TCERG1: variants seen among roughly 807,000 people sequenced by gnomAD.
TCERG1 encodes the protein transcription elongation regulator 1, also known as TATA box binding protein (TBP)-associated factor, RNA polymerase II, S, 150kD.
Under a neutral mutation model 144.7 loss-of-function variants are expected in TCERG1, and 37 were observed. That is an observed-to-expected ratio of 0.26 (90% confidence interval 0.20 to 0.34). The LOEUF is 0.34. Among genes scored for constraint, TCERG1 ranks in the 10% least tolerant of loss-of-function variants. The probability of loss-of-function intolerance (pLI) is 1.00; values close to 1 mark genes in which losing one functional copy is unlikely to be tolerated. For synonymous variants in TCERG1, 492 were observed against 458.2 expected, an observed-to-expected ratio of 1.07 and a Z score of -0.94; for missense variants, 1,027 against 1,380.7, an observed-to-expected ratio of 0.74 and a Z score of 4.06.
intron 19 of TCERG1, among the ~76,000 whole-genome samples, chr5:146,505,939 G>C (rs936108515): frequency 1.3e-5 from 2 of 152,030 alleles, no homozygotes; most frequent in African/African-American, 4.8e-5. Context: ...ACCACACACA[G>C]CTCATTTTTG....
intron 10 of TCERG1, among the ~76,000 whole-genome samples, chr5:146,479,311 A>G (rs1765129110): frequency 1.3e-5 from 2 of 152,062 alleles, no homozygotes; most frequent in Non-Finnish European, 2.9e-5. Context: ...AATGAAATAA[A>G]TCCTAGTGTG....
chr5:146,465,038 A>G (rs565686417), intron 5 of TCERG1, among the ~76,000 whole-genome samples: 360 of 152,330 alleles, frequency 2.4e-3, no homozygotes, highest in African/African-American at 8.1e-3. Context: ...AATTCAAATC[A>G]TTTAAAAAGA....
chr5:146,453,818 T>G (rs903377670), intron 1 of TCERG1, among the ~76,000 whole-genome samples: 1 of 152,134 alleles, frequency 6.6e-6, no homozygotes, highest in Non-Finnish European at 1.5e-5. Flanking sequence ...TTAACCTTTT[T>G]TAATCTGGAG....
intron 4 of TCERG1, among the ~76,000 whole-genome samples, chr5:146,460,550 G>T (rs971698846): frequency 1.1e-4 from 16 of 152,068 alleles, no homozygotes; most frequent in Non-Finnish European, 1.5e-4. Flanking sequence ...AAAATGTGGG[G>T]TTTTTTTGTG....
At chr5:146,476,378 A>G (rs1180753953) in intron 9 of TCERG1, among the ~76,000 whole-genome samples, 1 of 152,226 alleles carries the variant, frequency 6.6e-6, no homozygotes, top group Non-Finnish European at 1.5e-5. Flanking sequence ...TTTCTCAGAC[A>G]TGTCACTGAG....
intron 1 of TCERG1, among the ~76,000 whole-genome samples, chr5:146,447,710 C>T (rs1761994535): frequency 6.6e-6 from 1 of 152,238 alleles, no homozygotes; most frequent in Non-Finnish European, 1.5e-5. Flanking sequence ...TGGGCCCCGC[C>T]TCAGCCGCGT....
rs116906682 is a variant in TCERG1 at position 146,466,597 on chromosome 5, C to T, written c.1136-1744C>T. ...TGTAGGAAAATTGAACAAAAGCTCC[C>T]TCTAAAAAAAAAGGTTAAAAATTTA... On this transcript the variant is annotated intron_variant, in intron 5 of 22. Coordinates refer to ENST00000679501, the MANE Select transcript of TCERG1 (RefSeq NM_001382548.1). Among the ~76,000 whole-genome samples, 39 of 151,926 alleles carry T rather than the reference C, an allele frequency of 2.6e-4. No individual in the cohort carries two copies. In the East Asian group the frequency reaches 7.5e-3, roughly 29 times the overall value.
Position 146,468,341 on chromosome 5 carries a change from G to C in TCERG1, c.1136G>C (p.Gly379Ala). ...PLPGMPIPLPGVAMMQIVSCP... is the reference protein window; with the variant it reads ...PLPGMPIPLPAVAMMQIVSCP... Reference sequence around the variant, plus strand: ...GTATGCTTGCTTATCCATTTTACAGGTGTAGCAATGATGCAAATAGTCAGC... The same window carrying C: ...GTATGCTTGCTTATCCATTTTACAGCTGTAGCAATGATGCAAATAGTCAGC... Residue 379 changes from glycine (G) to alanine (A), a missense_variant and splice_region_variant, in exon 6 of 23, where the codon GGT (glycine) becomes GCT (alanine). Around this residue, in one of 6 missense-constraint regions of TCERG1, gnomAD observed 482 missense variants for 632.6 expected, o/e 0.76. Transcript: ENST00000679501. 3 of 1,605,912 alleles carry C rather than the reference G, an allele frequency of 1.9e-6. No individual in the cohort carries two copies. Among genetic ancestry groups the C allele is most frequent in the Non-Finnish European group, 2.6e-6 (3 of 1,176,032 alleles).
intron 17 of TCERG1, among the ~76,000 whole-genome samples, chr5:146,500,932 C>T (rs192175453): frequency 5.3e-5 from 8 of 150,152 alleles, no homozygotes; most frequent in Middle Eastern, 3.4e-3. Context: ...CGCTTGAGCC[C>T]AAACAGTCAA....
chr5:146,480,615 A>G (rs917952895), intron 12 of TCERG1: 2 of 152,576 alleles, frequency 1.3e-5, no homozygotes, highest in African/African-American at 4.8e-5. Context: ...GTAAAATGTA[A>G]ATGTTATGGC....
intron 1 of TCERG1, 26 bp downstream of exon 1, chr5:146,447,434 T>A (rs776188996): frequency 6.9e-6 from 11 of 1,605,496 alleles, no homozygotes; most frequent in Non-Finnish European, 8.5e-6. Flanking sequence ...CTCCTTCACA[T>A]CTCTGCTCAC....
chr5:146,507,215 T>A lies in TCERG1; in HGVS notation c.2961+8T>A, dbSNP rs201276372. 1.3e-3 allele frequency: 1,999 copies of A among 1,565,040 alleles called. 3 individuals carry two copies. The highest frequency in any genetic ancestry group is 1.7e-3 in the Non-Finnish European group (1,925 of 1,160,888). On this transcript the variant is annotated splice_region_variant and intron_variant, in intron 20 of 22. Transcript: ENST00000679501. This position sits in a 1 kb window ranked among gnomAD's most constrained non-coding sequence, Gnocchi z 4.6. ...CTGGATGAAACTTCTGCAGTAAGAATCTCTTATTTTTCTCATTTTAATCTG... is the reference window on the plus strand; with the variant it reads ...CTGGATGAAACTTCTGCAGTAAGAAACTCTTATTTTTCTCATTTTAATCTG...
chr5:146,490,047 T>C (rs987176267), intron 15 of TCERG1, among the ~76,000 whole-genome samples: 6 of 152,214 alleles, frequency 3.9e-5, no homozygotes, highest in Non-Finnish European at 7.4e-5. Flanking sequence ...TTAGGTATCA[T>C]TTAATATTTT....
In TCERG1 at chr5:146,510,021, CT is replaced by C. The variant is rs1209971300; in HGVS notation, c.3147-416del. The C allele has an allele frequency of 2.3e-6, 3 of 1,281,516 alleles. No individual in the cohort carries two copies. In the South Asian group the frequency reaches 3.7e-5, roughly 16 times the overall value. The allele number at this position is 1,281,516 out of a possible 1,614,324, so 79.4% of individuals were successfully genotyped here. A position where few individuals can be genotyped will look rare whatever the true frequency, so the allele number is the denominator to read the frequency against. ...CCTTAATGTTTTGCATCAGCTTGGG[CT>C]TTTAAATTAGATGTGAAGTAAGACT... On this transcript the variant is annotated intron_variant, in intron 22 of 22. Coordinates refer to ENST00000679501, the MANE Select transcript of TCERG1 (RefSeq NM_001382548.1).
rs1341089880 is a variant in TCERG1 at position 146,507,006 on chromosome 5, A to G, written c.2782-22A>G. On this transcript the variant is annotated intron_variant, in intron 19 of 22. Coordinates refer to ENST00000679501, the MANE Select transcript of TCERG1 (RefSeq NM_001382548.1). This position sits in a 1 kb window ranked among gnomAD's most constrained non-coding sequence, Gnocchi z 4.6. ...TTCAGATAAGTCTCTTTGGTGATAT[A>G]TATATAATTTTTTCTCTTCAGGTAC... 1.3e-6 allele frequency: 2 copies of G among 1,545,922 alleles called. No individual in the cohort carries two copies. Among genetic ancestry groups the G allele is most frequent in the African/African-American group, 1.4e-5 (1 of 71,528 alleles).
At position 146,511,527 on chromosome 5, in the gene TCERG1, ATT is replaced by A. The variant is rs1030010720; in HGVS notation, c.*886_*887del. 9.9e-5 allele frequency: 15 copies of A among 150,890 alleles called. No individual in the cohort carries two copies. The highest frequency in any genetic ancestry group is 3.7e-4 in the African/African-American group (15 of 40,884). The allele number at this position is 150,890 out of a possible 1,614,324, so 9.3% of individuals were successfully genotyped here. ...TTATATATCTGTATTGTATATGATT[ATT>A]GTTACTTAATTTTTAAGAGCTTATT... On this transcript the variant is annotated 3_prime_UTR_variant, in exon 23 of 23. Transcript: ENST00000679501.
intron 4 of TCERG1, 62 bp downstream of exon 4, chr5:146,459,399 A>G (rs746150906): frequency 6.9e-5 from 108 of 1,557,458 alleles, no homozygotes; most frequent in Non-Finnish European, 9.1e-5. Context: ...GTAGGGGACT[A>G]CATTTCATAT....
intron 8 of TCERG1, among the ~76,000 whole-genome samples, chr5:146,471,117 A>G (rs1046651687): frequency 3.3e-5 from 5 of 152,230 alleles, no homozygotes; most frequent in Non-Finnish European, 5.9e-5. Context: ...TGATCCATGT[A>G]TAGCACTAAA....
At position 146,457,168 on chromosome 5, in the gene TCERG1, T is replaced by C. The variant is rs1421158857; in HGVS notation, c.286-15T>C. 2.5e-6 allele frequency: 4 copies of C among 1,608,440 alleles called. No individual in the cohort carries two copies. In the African/African-American group the frequency reaches 4.0e-5, roughly 16 times the overall value. On this transcript the variant is annotated splice_polypyrimidine_tract_variant and intron_variant, in intron 2 of 22. Transcript: ENST00000679501. The stretch of plus-strand genomic sequence containing the variant: ...AGTAATTAAAGTGACCATTACTGTT[T>C]TTGTGAATTAACAGAGACCACCTTT...
Sources: gnomAD v4.1 joint callset for allele counts (sites outside exome capture counted in the v4.1 genomes callset) on GRCh38, gnomAD v4.1.1 for gene constraint, gnomAD v4.1.1 regional missense constraint, Gnocchi (gnomAD v3.1) non-coding constraint, MANE v1.5 for transcripts, NCBI Gene and HGNC (gene_info 2026-07-23, HGNC 2026-07-21) for gene names.